Variants in YAF2 observed in about 807,000 individuals in gnomAD.
YAF2 encodes YY1-associated factor 2.
In YAF2, 7 loss-of-function variants were observed where a neutral mutation model predicts 20.1. The observed-to-expected ratio is 0.35, with a 90% CI of 0.20 to 0.65. The LOEUF is 0.65. Ranked by LOEUF, YAF2 falls within the 30% of genes least tolerant of loss-of-function variation. The pLI is 0.69. For missense variants in YAF2, 151 were observed against 219.2 expected, an observed-to-expected ratio of 0.69 and a Z score of 1.96; for synonymous variants, 74 against 76.0, an observed-to-expected ratio of 0.97 and a Z score of 0.14.
At chr12:42,163,453 A>G (rs1039539381) in intron 2 of YAF2, among the ~76,000 whole-genome samples, 1 of 152,174 alleles carries the variant, frequency 6.6e-6, no homozygotes, top group African/African-American at 2.4e-5. Context: ...CTAATAAATG[A>G]TCATGTAATC....
At chr12:42,207,630 T>C (rs577983511) in intron 2 of YAF2, among the ~76,000 whole-genome samples, 366 of 152,306 alleles carry the variant, frequency 2.4e-3, no homozygotes, top group Middle Eastern at 6.8e-3. Flanking sequence ...CGGTGGCTCA[T>C]GCCTGTAATC....
rs866031439 is a variant in YAF2 at position 42,228,132 on chromosome 12, G to A, written c.152+9467C>T. Among the ~76,000 whole-genome samples, 592 of 69,154 alleles carry A rather than the reference G, an allele frequency of 8.6e-3. 13 individuals are homozygous for A. Among genetic ancestry groups the A allele is most frequent in the African/African-American group, 0.04 (515 of 12,818 alleles). 45.4% of individuals were successfully genotyped at this position (69,154 alleles called of 152,430 possible). On this transcript the variant is annotated intron_variant, in intron 2 of 3. Coordinates refer to ENST00000534854, the MANE Select transcript of YAF2 (RefSeq NM_005748.6). ...GCCCCTCTGCCCGGCCAGCCGCCCC[G>A]TCCGGGAGGGAGGTGGGGGGGGTCG...
At chr12:42,236,061 G>A (rs926795672) in intron 2 of YAF2, 3 of 1,518,260 alleles carry the variant, frequency 2.0e-6, no homozygotes, top group Non-Finnish European at 2.6e-6. Context: ...AGAAAATAGA[G>A]AGGGAACAAC....
intron 2 of YAF2, among the ~76,000 whole-genome samples, chr12:42,213,234 T>A (rs140573616): frequency 6.6e-6 from 1 of 152,350 alleles, no homozygotes; most frequent in Admixed American, 6.5e-5. Flanking sequence ...AACAGCCAGA[T>A]GCCTGAGGCC....
intron 2 of YAF2, among the ~76,000 whole-genome samples, chr12:42,187,362 G>C (rs2066500283): frequency 6.6e-6 from 1 of 152,018 alleles, no homozygotes; most frequent in Admixed American, 6.6e-5. Flanking sequence ...GTTCTGTTAT[G>C]TTGCCCAGGC....
At chr12:42,236,562 C>T (rs1460201844) in intron 2 of YAF2, among the ~76,000 whole-genome samples, 2 of 67,546 alleles carry the variant, frequency 3.0e-5, no homozygotes, top group East Asian at 6.2e-4. Flanking sequence ...TAATAAAATT[C>T]TGTAAAGTGT....
intron 2 of YAF2, among the ~76,000 whole-genome samples, chr12:42,185,321 T>G (rs550408875): frequency 1.3e-5 from 2 of 152,354 alleles, no homozygotes. Flanking sequence ...AGTGGTTTCT[T>G]GATATGGAAT....
intron 2 of YAF2, among the ~76,000 whole-genome samples, chr12:42,179,789 CAAAAAAAAAA>C (rs71084622): frequency 2.3e-5 from 2 of 85,132 alleles, no homozygotes; most frequent in East Asian, 7.0e-4. Flanking sequence ...GTCTAAAAGG[CAAAAAAAAAA>C]AAAAAAAAAA....
At chr12:42,236,063 G>C in intron 2 of YAF2, 2 of 1,514,086 alleles carry the variant, frequency 1.3e-6, no homozygotes, top group Non-Finnish European at 1.8e-6. Flanking sequence ...AAAATAGAGA[G>C]GGAACAACAA....
intron 2 of YAF2, among the ~76,000 whole-genome samples, chr12:42,200,167 G>C (rs533282742): frequency 6.6e-6 from 1 of 152,168 alleles, no homozygotes; most frequent in Non-Finnish European, 1.5e-5. Flanking sequence ...TGGTAGTTTC[G>C]TAAAATAATA....
intron 2 of YAF2, among the ~76,000 whole-genome samples, chr12:42,193,113 G>C (rs966997420): frequency 6.6e-6 from 1 of 152,064 alleles, no homozygotes; most frequent in Admixed American, 6.5e-5. Flanking sequence ...CCAGGAGTTT[G>C]AGACCAGCCT....
chr12:42,161,228 A>C, intron 3 of YAF2: 1 of 263,412 alleles, frequency 3.8e-6, no homozygotes. Flanking sequence ...CACACTAATA[A>C]GGGTATCATG....
At chr12:42,237,481 T>C (rs1230158087) in intron 2 of YAF2, 118 bp downstream of exon 2, 47 of 1,358,130 alleles carry the variant, frequency 3.5e-5, no homozygotes, top group African/African-American at 6.2e-5. Context: ...CACAGCCACC[T>C]CCGTCTGCCT....
intron 2 of YAF2, among the ~76,000 whole-genome samples, chr12:42,230,615 T>C (rs1349165091): frequency 6.6e-6 from 1 of 152,192 alleles, no homozygotes; most frequent in Non-Finnish European, 1.5e-5. Flanking sequence ...GCTTCTGAAC[T>C]GTAACTACAT....
chr12:42,195,147 G>A (rs1442164849), intron 2 of YAF2, among the ~76,000 whole-genome samples: 2 of 152,148 alleles, frequency 1.3e-5, no homozygotes, highest in Non-Finnish European at 2.9e-5. Flanking sequence ...GTCCAAAATG[G>A]ATAAAGAAAT....
intron 2 of YAF2, among the ~76,000 whole-genome samples, chr12:42,202,303 C>A (rs553638293): frequency 4.7e-4 from 72 of 152,150 alleles, no homozygotes; most frequent in Non-Finnish European, 7.8e-4. Flanking sequence ...ATAAAGCATA[C>A]AAATACTGAA....
At chr12:42,219,326 C>A (rs1592031444) in intron 2 of YAF2, among the ~76,000 whole-genome samples, 1 of 152,206 alleles carries the variant, frequency 6.6e-6, no homozygotes, top group South Asian at 2.1e-4. Context: ...CTCCTCTTTA[C>A]CCTCTTATTT....
At chr12:42,175,139 G>A (rs2066146595) in intron 2 of YAF2, among the ~76,000 whole-genome samples, 4 of 152,224 alleles carry the variant, frequency 2.6e-5, no homozygotes, top group Middle Eastern at 3.4e-3. Context: ...TTAATCAACA[G>A]GTGAATGGAT....
In YAF2 at chr12:42,160,273, G is replaced by C. The variant is rs2065771849; in HGVS notation, c.*316C>G. 4.0e-6 allele frequency: 1 copy of C among 249,614 alleles called. No homozygotes were observed. The highest frequency in any genetic ancestry group is 5.0e-5 in the Admixed American group (1 of 19,974). 15.5% of individuals were successfully genotyped at this position (249,614 alleles called of 1,614,324 possible). A position where few individuals can be genotyped will look rare whatever the true frequency, so the allele number is the denominator to read the frequency against. On this transcript the variant is annotated 3_prime_UTR_variant, in exon 4 of 4. Transcript: ENST00000534854. ...TTAAATTCGTTACATGCCAATAGTA[G>C]AGAATTCAAGAATTATGTGTTAGAA...
Sources: gnomAD v4.1 joint callset for allele counts (sites outside exome capture counted in the v4.1 genomes callset) on GRCh38, gnomAD v4.1.1 for gene constraint, MANE v1.5 for transcripts, NCBI Gene and HGNC (gene_info 2026-07-23, HGNC 2026-07-21) for gene names.